The following ZNF407 variants were observed in gnomAD, a reference collection of about 807,000 sequenced individuals.
ZNF407 encodes the protein zinc finger protein 407.
A neutral mutation model predicts 131.2 loss-of-function variants in ZNF407; 17 were observed. That is an observed-to-expected ratio of 0.13 (90% CI 0.09 to 0.19). ZNF407 has a LOEUF of 0.19. Ranked by LOEUF, ZNF407 falls within the 10% of genes least tolerant of loss-of-function variation. ZNF407 has a pLI of 1.00. For synonymous variants in ZNF407, 1,156 were observed against 1,062.0 expected, an observed-to-expected ratio of 1.09 and a Z score of -1.72; for missense variants, 2,681 against 2,830.6, an observed-to-expected ratio of 0.95 and a Z score of 1.20.
intron 4 of ZNF407, among the ~76,000 whole-genome samples, chr18:74,842,259 T>C (rs981742267): frequency 6.6e-6 from 1 of 152,228 alleles, no homozygotes; most frequent in Non-Finnish European, 1.5e-5. Context: ...GGATCTTTGA[T>C]TTAACTCAGT....
intron 8 of ZNF407, among the ~76,000 whole-genome samples, chr18:75,026,072 G>A (rs1429675608): frequency 1.3e-5 from 2 of 152,188 alleles, no homozygotes; most frequent in African/African-American, 2.4e-5. Context: ...TGGGCTGTGA[G>A]GGGAAGATGA....
chr18:74,878,441 C>T (rs191260595), intron 5 of ZNF407, among the ~76,000 whole-genome samples: 30 of 152,204 alleles, frequency 2.0e-4, no homozygotes, highest in Admixed American at 1.4e-3. Flanking sequence ...AGGGTGTTGA[C>T]GATTTAAGGT....
At chr18:75,030,846 C>T (rs1328500795) in intron 8 of ZNF407, among the ~76,000 whole-genome samples, 1 of 152,220 alleles carries the variant, frequency 6.6e-6, no homozygotes, top group South Asian at 2.1e-4. Flanking sequence ...CCTCTCCATT[C>T]TCTACCCCCG....
chr18:74,795,242 G>A (rs576283832), intron 4 of ZNF407, among the ~76,000 whole-genome samples: 4 of 152,220 alleles, frequency 2.6e-5, no homozygotes, highest in South Asian at 2.1e-4. Context: ...CTCTGGGGCC[G>A]TTGGCAAAAT....
chr18:75,060,507 CT>C lies in ZNF407; in HGVS notation c.5429-2627del, dbSNP rs564194650. Among the ~76,000 whole-genome samples the C allele has an allele frequency of 4.9e-3, 611 of 124,422 alleles. 5 individuals carry two copies. Among genetic ancestry groups the C allele is most frequent in the African/African-American group, 0.018 (564 of 32,058 alleles). The allele number at this position is 124,422 out of a possible 152,430, so 81.6% of individuals were successfully genotyped here. On this transcript the variant is annotated intron_variant, in intron 8 of 8. Coordinates refer to ENST00000299687, the MANE Select transcript of ZNF407 (RefSeq NM_017757.3). ...GCTCTTTTCTTTTTTTTCTTTTTTT[CT>C]TTTTTTTTTTTTTTTGCGACGGAGT...
rs142502853 is a variant in ZNF407, at chr18:74,990,149, A to C, written c.5428+69457A>C. ...ATAATTGCAGAAGTGGGGGAAAGGC[A>C]GTAAACATCAGTGAAACTTCAGGTA... On this transcript the variant is annotated intron_variant, in intron 8 of 8. Coordinates refer to ENST00000299687, the MANE Select transcript of ZNF407 (RefSeq NM_017757.3). Among the ~76,000 whole-genome samples, 373 of 152,336 alleles carry C rather than the reference A, an allele frequency of 2.4e-3. 1 individual carries two copies. Among genetic ancestry groups the C allele is most frequent in the African/African-American group, 8.7e-3 (360 of 41,584 alleles).
chr18:74,883,598 G>A (rs1297007191), intron 6 of ZNF407, among the ~76,000 whole-genome samples: 1 of 152,164 alleles, frequency 6.6e-6, no homozygotes, highest in African/African-American at 2.4e-5. Context: ...TGATTCAAGG[G>A]CACAGGAGAA....
intron 8 of ZNF407, among the ~76,000 whole-genome samples, chr18:75,058,150 C>T (rs1447443170): frequency 6.6e-6 from 1 of 152,122 alleles, no homozygotes; most frequent in Non-Finnish European, 1.5e-5. Flanking sequence ...CCCCTCCACC[C>T]CCGCATAATG....
At chr18:74,658,104 C>CTGTA (rs1985553370) in intron 3 of ZNF407, among the ~76,000 whole-genome samples, 1 of 150,910 alleles carries the variant, frequency 6.6e-6, no homozygotes, top group Admixed American at 6.6e-5. Flanking sequence ...CAGCAGTTGT[C>CTGTA]TTTATTTATT....
At chr18:74,917,399 C>T (rs1487015387) in intron 7 of ZNF407, among the ~76,000 whole-genome samples, 5 of 152,146 alleles carry the variant, frequency 3.3e-5, no homozygotes, top group Admixed American at 2.6e-4. Flanking sequence ...AACATATGCA[C>T]ATATCTGTAT....
At chr18:74,745,495 A>G (rs1279600609) in intron 3 of ZNF407, among the ~76,000 whole-genome samples, 2 of 152,162 alleles carry the variant, frequency 1.3e-5, no homozygotes, top group African/African-American at 4.8e-5. Flanking sequence ...CATCCTTTCT[A>G]TTCTTGCCTT....
intron 4 of ZNF407, among the ~76,000 whole-genome samples, chr18:74,816,522 A>C (rs1179067421): frequency 6.6e-6 from 1 of 152,162 alleles, no homozygotes; most frequent in Non-Finnish European, 1.5e-5. Flanking sequence ...TATGGCTCTT[A>C]ATCTTGACCC....
chr18:74,984,807 T>G (rs1972633976), intron 8 of ZNF407, among the ~76,000 whole-genome samples: 1 of 152,226 alleles, frequency 6.6e-6, no homozygotes, highest in Non-Finnish European at 1.5e-5. Flanking sequence ...GGTGAAGAGC[T>G]GGCCCTGCAT....
intron 1 of ZNF407, among the ~76,000 whole-genome samples, chr18:74,622,919 A>G (rs945009244): frequency 6.6e-6 from 1 of 150,888 alleles, no homozygotes; most frequent in African/African-American, 2.4e-5. Context: ...TGTGAATGTC[A>G]GTATCTGTGA....
intron 8 of ZNF407, among the ~76,000 whole-genome samples, chr18:75,041,944 C>A (rs1973378740): frequency 6.6e-6 from 1 of 152,216 alleles, no homozygotes; most frequent in Non-Finnish European, 1.5e-5. Flanking sequence ...CTGGTAGAAG[C>A]CCATCTTCAG....
chr18:74,602,292 G>A (rs999765961), intron 1 of ZNF407, among the ~76,000 whole-genome samples: 2 of 152,162 alleles, frequency 1.3e-5, no homozygotes, highest in African/African-American at 4.8e-5. Flanking sequence ...AACCTTTTGC[G>A]GGAGAAGGTA....
intron 4 of ZNF407, among the ~76,000 whole-genome samples, chr18:74,825,842 A>G (rs564720061): frequency 6.6e-6 from 1 of 152,340 alleles, no homozygotes; most frequent in Non-Finnish European, 1.5e-5. Context: ...AGGAAATTTA[A>G]AACAGTCAGA....
chr18:74,893,773 T>C (rs1445403071), intron 7 of ZNF407, among the ~76,000 whole-genome samples: 1 of 152,158 alleles, frequency 6.6e-6, no homozygotes, highest in East Asian at 1.9e-4. Context: ...TTTATTTTCA[T>C]ATTTATCTCA....
intron 8 of ZNF407, among the ~76,000 whole-genome samples, chr18:74,981,976 A>T (rs1972598257): frequency 6.6e-6 from 1 of 152,228 alleles, no homozygotes; most frequent in Non-Finnish European, 1.5e-5. Context: ...TTGGCTTAAA[A>T]TGGGAATTCA....
Sources: gnomAD v4.1 joint callset for allele counts (sites outside exome capture counted in the v4.1 genomes callset) on GRCh38, gnomAD v4.1.1 for gene constraint, MANE v1.5 for transcripts, NCBI Gene and HGNC (gene_info 2026-07-23, HGNC 2026-07-21) for gene names.